Variants in LAT observed in about 807,000 individuals in gnomAD.
The protein encoded by LAT is linker for activation of T cells.
A neutral mutation model predicts 39.1 loss-of-function variants in LAT; 12 were observed. That is an observed-to-expected ratio of 0.31 (90% CI 0.20 to 0.50). LAT has a LOEUF of 0.50. Ranked by LOEUF, LAT falls within the 20% of genes least tolerant of loss-of-function variation. LAT has a pLI of 0.98. For synonymous variants in LAT, 117 were observed against 123.8 expected, an observed-to-expected ratio of 0.95 and a Z score of 0.36; for missense variants, 253 against 308.0, an observed-to-expected ratio of 0.82 and a Z score of 1.34.
At position 28,986,770 on chromosome 16, in the gene LAT, G is replaced by C; in HGVS notation, c.399-29G>C. The C allele has an allele frequency of 6.2e-7, 1 of 1,611,038 alleles. No individual in the cohort carries two copies. Among genetic ancestry groups the C allele is most frequent in the South Asian group, 1.1e-5 (1 of 90,738 alleles). On this transcript the variant is annotated intron_variant, in intron 7 of 11. Transcript: ENST00000395456. This position sits in a 1 kb window ranked among gnomAD's most constrained non-coding sequence, Gnocchi z 5.7. ...GGGCTGAGGCTGTGCGTCCCCCCTTGCTCACCGGCCCTTTTCACTTCCTTT... is the reference window on the plus strand; with the variant it reads ...GGGCTGAGGCTGTGCGTCCCCCCTTCCTCACCGGCCCTTTTCACTTCCTTT...
rs1002569820 is a variant in LAT at position 28,989,367 on chromosome 16, C to T, written c.494-160C>T. ...AACACCATCCTTGCCAGCCTGGAGT[C>T]CCCTCTCTTCATTCTGTGGGGCTAA... On this transcript the variant is annotated intron_variant, in intron 8 of 11. Transcript: ENST00000395456. 4.7e-6 allele frequency: 3 copies of T among 631,788 alleles called. No individual in the cohort carries two copies. In the African/African-American group the frequency reaches 5.5e-5, roughly 12 times the overall value. The allele number at this position is 631,788 out of a possible 1,614,324, so 39.1% of individuals were successfully genotyped here.
rs1273402325 is a variant in LAT at position 28,985,231 on chromosome 16, AAG to A, written c.-184_-183del. On this transcript the variant is annotated 5_prime_UTR_variant, in exon 1 of 12. Coordinates refer to ENST00000395456, the MANE Select transcript of LAT (RefSeq NM_001014987.2). This position sits in a 1 kb window ranked among gnomAD's most constrained non-coding sequence, Gnocchi z 4.6. Reference sequence around the variant, plus strand: ...GCTGGACGCACACTCAGCCCAGTAAAAGAGGGGACCCATCCCGGGAGCCCCGG... The same window carrying A: ...GCTGGACGCACACTCAGCCCAGTAAAAGGGGACCCATCCCGGGAGCCCCGG... The A allele has an allele frequency of 2.8e-6, 4 of 1,435,052 alleles. No homozygotes were observed. Among genetic ancestry groups the A allele is most frequent in the Non-Finnish European group, 3.6e-6 (4 of 1,099,010 alleles). 88.9% of individuals were successfully genotyped at this position (1,435,052 alleles called of 1,614,324 possible).
In LAT at chr16:28,985,633, G is replaced by C; in HGVS notation, c.101-80G>C. On this transcript the variant is annotated intron_variant, in intron 1 of 11. Transcript: ENST00000395456. This position sits in a 1 kb window ranked among gnomAD's most constrained non-coding sequence, Gnocchi z 4.6. ...TCCCTGCCTCCGTCCTGATCCCAGC[G>C]CCTCTGAGAGTCCCTGGATCCCAGC... 1 of 1,607,226 alleles carries C rather than the reference G, an allele frequency of 6.2e-7. No homozygotes were observed. The highest frequency in any genetic ancestry group is 8.5e-7 in the Non-Finnish European group (1 of 1,174,448).
rs139165953 is a variant in LAT at position 28,986,181 on chromosome 16, C to T, written c.210C>T (p.Tyr70=). 2.7e-5 allele frequency: 44 copies of T among 1,603,520 alleles called. 1 individual carries two copies. In the African/African-American group the frequency reaches 5.7e-4, roughly 21 times the overall value. The change falls in exon 4 of 12, where the codon TAC becomes TAT. Residue 70 remains tyrosine (Y), a synonymous_variant. Transcript: ENST00000395456. The surrounding 1 kb of genome is among the most constrained non-coding windows in gnomAD (Gnocchi z 5.7). ...CTGCCTACCCACCTGTCACCTCCTA[C>T]CCACCCCTGAGCCAGCCAGACCTGC... is the stretch of plus-strand genomic sequence containing the variant. The part of the protein sequence containing the change: ...WPPAYPPVTS[Y]PPLSQPDLLP...
At position 28,989,774 on chromosome 16, in the gene LAT, A is replaced by T; in HGVS notation, c.557A>T (p.Asp186Val). 1 of 1,614,044 alleles carries T rather than the reference A, an allele frequency of 6.2e-7. No individual in the cohort carries two copies. The highest frequency in any genetic ancestry group is 8.5e-7 in the Non-Finnish European group (1 of 1,180,014). ...ESGESAEASL[D>V]GSREYVNVSQ... Reference sequence around the variant, plus strand: ...CCCTCCTTCTGATCTGTCCCCACAGATGGCAGCCGGGAGTATGTGAATGTG... The same window carrying T: ...CCCTCCTTCTGATCTGTCCCCACAGTTGGCAGCCGGGAGTATGTGAATGTG... The change falls in exon 10 of 12, where the codon GAT becomes GTT. Residue 186 changes from aspartate (D) to valine (V), a missense_variant and splice_region_variant. Physicochemically the swap from Asp to Val is radical, Grantham distance 152. Coordinates refer to ENST00000395456, the MANE Select transcript of LAT (RefSeq NM_001014987.2).
rs1364183545 is a variant in LAT, at chr16:28,985,245, C to T, written c.-173C>T. On this transcript the variant is annotated 5_prime_UTR_variant, in exon 1 of 12. Coordinates refer to ENST00000395456, the MANE Select transcript of LAT (RefSeq NM_001014987.2). This position sits in a 1 kb window ranked among gnomAD's most constrained non-coding sequence, Gnocchi z 4.6. ...CAGCCCAGTAAAAGAGGGGACCCATCCCGGGAGCCCCGGGGAGGGCACAGC... is the reference window on the plus strand; with the variant it reads ...CAGCCCAGTAAAAGAGGGGACCCATTCCGGGAGCCCCGGGGAGGGCACAGC... The T allele has an allele frequency of 6.9e-7, 1 of 1,439,852 alleles. No individual in the cohort carries two copies. The highest frequency in any genetic ancestry group is 9.1e-7 in the Non-Finnish European group (1 of 1,100,930). The allele number at this position is 1,439,852 out of a possible 1,614,324, so 89.2% of individuals were successfully genotyped here.
In LAT at chr16:28,986,177, C is replaced by G; in HGVS notation, c.206C>G (p.Ser69Cys). 6.2e-7 allele frequency: 1 copy of G among 1,603,502 alleles called. No individual in the cohort carries two copies. Among genetic ancestry groups the G allele is most frequent in the South Asian group, 1.1e-5 (1 of 89,414 alleles). Reference sequence around the variant, plus strand: ...CCACCTGCCTACCCACCTGTCACCTCCTACCCACCCCTGAGCCAGCCAGAC... The same window carrying G: ...CCACCTGCCTACCCACCTGTCACCTGCTACCCACCCCTGAGCCAGCCAGAC... ...PWPPAYPPVT[S>C]YPPLSQPDLL... The change falls in exon 4 of 12, where the codon TCC becomes TGC. Residue 69 changes from serine (S) to cysteine (C), a missense_variant. Physicochemically the swap from Ser to Cys is moderately radical, Grantham distance 112. Coordinates refer to ENST00000395456, the MANE Select transcript of LAT (RefSeq NM_001014987.2). The surrounding 1 kb of genome is among the most constrained non-coding windows in gnomAD (Gnocchi z 5.7).
chr16:28,985,415 C>A lies in LAT; in HGVS notation c.-3C>A. ...AGCCAGCCTGCTCCGAGCTCCCCTG[C>A]AGATGGAGGAGGCCATCCTGGTCCC... On this transcript the variant is annotated 5_prime_UTR_variant, in exon 1 of 12. Coordinates refer to ENST00000395456, the MANE Select transcript of LAT (RefSeq NM_001014987.2). The surrounding 1 kb of genome is among the most constrained non-coding windows in gnomAD (Gnocchi z 4.6). The A allele has an allele frequency of 6.2e-7, 1 of 1,613,474 alleles. No homozygotes were observed. Among genetic ancestry groups the A allele is most frequent in the Non-Finnish European group, 8.5e-7 (1 of 1,179,906 alleles).
In LAT at chr16:28,986,870, G is replaced by GCAT. The variant is rs774515405; in HGVS notation, c.472_474dup (p.Ile158dup). 6.8e-6 allele frequency: 11 copies of GCAT among 1,613,910 alleles called. No homozygotes were observed. Among genetic ancestry groups the GCAT allele is most frequent in the Non-Finnish European group, 8.5e-6 (10 of 1,179,986 alleles). On this transcript the variant is annotated inframe_insertion, in exon 8 of 12. Transcript: ENST00000395456. The surrounding 1 kb of genome is among the most constrained non-coding windows in gnomAD (Gnocchi z 5.7). The stretch of plus-strand genomic sequence containing the variant: ...TCAGCTCCTGCACTCAGCACCCCTG[G>GCAT]CATCCGAGACAGTGCCTTCTCCAGT...
chr16:28,985,465 G>T lies in LAT; in HGVS notation c.48G>T (p.Leu16=). ...CCTGCGTGCTGGGGCTCCTGCTGCT[G>T]CCCATCCTGGCCATGTTGATGGCAC... ...LVPCVLGLLL[L]PILAMLMALC... The change falls in exon 1 of 12, where the codon CTG becomes CTT. Residue 16 remains leucine, a synonymous_variant. Coordinates refer to ENST00000395456, the MANE Select transcript of LAT (RefSeq NM_001014987.2). This position sits in a 1 kb window ranked among gnomAD's most constrained non-coding sequence, Gnocchi z 4.6. 1 of 1,613,780 alleles carries T rather than the reference G, an allele frequency of 6.2e-7. No homozygotes were observed.
Position 28,986,836 on chromosome 16 carries a change from G to C in LAT, c.436G>C (p.Ala146Pro), listed in dbSNP as rs1288577152. The change falls in exon 8 of 12, where the codon GCT becomes CCT. Residue 146 changes from alanine to proline, a missense_variant. Physicochemically the swap from Ala to Pro is conservative, Grantham distance 27. Coordinates refer to ENST00000395456, the MANE Select transcript of LAT (RefSeq NM_001014987.2). The surrounding 1 kb of genome is among the most constrained non-coding windows in gnomAD (Gnocchi z 5.7). Reference protein sequence around the residue: ...LPDSTPATSTAAPSAPALSTP... With the variant: ...LPDSTPATSTPAPSAPALSTP... ...TGACAGCACCCCGGCCACTAGCACT[G>C]CTGCCCCATCAGCTCCTGCACTCAG... 2 of 1,613,972 alleles carry C rather than the reference G, an allele frequency of 1.2e-6. No individual in the cohort carries two copies. The highest frequency in any genetic ancestry group is 3.3e-5 in the Admixed American group (2 of 59,986).
intron 8 of LAT, chr16:28,987,908 A>T (rs1965794368): frequency 6.6e-6 from 1 of 151,014 alleles, no homozygotes; most frequent in South Asian, 2.1e-4. Flanking sequence ...CCTGAGCAAC[A>T]TGGCGAAACC....
At chr16:28,989,331 T>A (rs1965822658) in intron 8 of LAT, 196 bp from the exon 9 acceptor site, 1 of 571,544 alleles carries the variant, frequency 1.7e-6, no homozygotes, top group Non-Finnish European at 3.1e-6. Flanking sequence ...CAGGCCACCA[T>A]CACCATCACC....
At chr16:28,984,907 G>A, upstream of LAT, 3 of 1,547,500 alleles carry the variant, frequency 1.9e-6, no homozygotes, top group Non-Finnish European at 2.6e-6. Context: ...CCCCGTCTTG[G>A]GGGGGGCCAG....
intron 8 of LAT, 168 bp from the exon 9 acceptor site, chr16:28,989,359 C>A: frequency 1.6e-6 from 1 of 615,286 alleles, no homozygotes; most frequent in Non-Finnish European, 2.9e-6. Context: ...TCCTTGCCAG[C>A]CTGGAGTCCC....
chr16:28,985,607 G>T lies in LAT; in HGVS notation c.100+90G>T. ...CAGCCCCTGTGTCTGTCCTGGCTCTGTCCCTGCCTCCGTCCTGATCCCAGC... is the reference window on the plus strand; with the variant it reads ...CAGCCCCTGTGTCTGTCCTGGCTCTTTCCCTGCCTCCGTCCTGATCCCAGC... On this transcript the variant is annotated intron_variant, in intron 1 of 11. Coordinates refer to ENST00000395456, the MANE Select transcript of LAT (RefSeq NM_001014987.2). This position sits in a 1 kb window ranked among gnomAD's most constrained non-coding sequence, Gnocchi z 4.6. 1.2e-6 allele frequency: 2 copies of T among 1,604,532 alleles called. No individual in the cohort carries two copies. The highest frequency in any genetic ancestry group is 1.7e-6 in the Non-Finnish European group (2 of 1,172,396).
rs1452906139 is a variant in LAT, at chr16:28,985,697, GCC to G, written c.101-14_101-13del. On this transcript the variant is annotated splice_polypyrimidine_tract_variant and intron_variant, in intron 1 of 11. Coordinates refer to ENST00000395456, the MANE Select transcript of LAT (RefSeq NM_001014987.2). This position sits in a 1 kb window ranked among gnomAD's most constrained non-coding sequence, Gnocchi z 4.6. ...AGCACCCCCTGTTCCTGCCTCACCA[GCC>G]CTCTCTTTCCCAGGCTCCTACGACA... is the stretch of plus-strand genomic sequence containing the variant. 6.2e-7 allele frequency: 1 copy of G among 1,613,534 alleles called. No homozygotes were observed. Among genetic ancestry groups the G allele is most frequent in the East Asian group, 2.2e-5 (1 of 44,890 alleles).
rs867239978 is a variant in LAT, at chr16:28,986,378, C to T, written c.246-4C>T. The T allele has an allele frequency of 6.2e-7, 1 of 1,613,648 alleles. No homozygotes were observed. The highest frequency in any genetic ancestry group is 8.5e-7 in the Non-Finnish European group (1 of 1,180,028). Reference sequence around the variant, plus strand: ...AGGCATGACCCCTGACCTTTGACTCCCAGAAGATCCCCGCAGCCCCTTGGG... The same window carrying T: ...AGGCATGACCCCTGACCTTTGACTCTCAGAAGATCCCCGCAGCCCCTTGGG... On this transcript the variant is annotated splice_polypyrimidine_tract_variant and splice_region_variant and intron_variant, in intron 4 of 11. Coordinates refer to ENST00000395456, the MANE Select transcript of LAT (RefSeq NM_001014987.2). This position sits in a 1 kb window ranked among gnomAD's most constrained non-coding sequence, Gnocchi z 5.7.
At position 28,986,258 on chromosome 16, in the gene LAT, CT is replaced by C. The variant is rs1965748320; in HGVS notation, c.245+43del. On this transcript the variant is annotated intron_variant, in intron 4 of 11. Coordinates refer to ENST00000395456, the MANE Select transcript of LAT (RefSeq NM_001014987.2). This position sits in a 1 kb window ranked among gnomAD's most constrained non-coding sequence, Gnocchi z 5.7. ...CCCCTGCCCCTCCAAAGCTCAGCCC[CT>C]CCCCCTCCAAACTCCACTCTCTACC... is the stretch of plus-strand genomic sequence containing the variant. 6.4e-7 allele frequency: 1 copy of C among 1,551,598 alleles called. No homozygotes were observed. Among genetic ancestry groups the C allele is most frequent in the Non-Finnish European group, 8.8e-7 (1 of 1,137,064 alleles).
Sources: gnomAD v4.1 joint callset for allele counts on GRCh38, gnomAD v4.1.1 for gene constraint, Gnocchi (gnomAD v3.1) non-coding constraint, MANE v1.5 for transcripts, NCBI Gene and HGNC (gene_info 2026-07-23, HGNC 2026-07-21) for gene names.